Variants in KCNH7 observed in about 807,000 individuals in gnomAD.
The protein encoded by KCNH7 is voltage-gated inwardly rectifying potassium channel KCNH7.
A neutral mutation model predicts 120.8 loss-of-function variants in KCNH7; 49 were observed. That is an observed-to-expected ratio of 0.41 (90% CI 0.32 to 0.51). The LOEUF is 0.51. KCNH7 is among the 20% of genes least tolerant of loss of function. KCNH7 has a pLI of 0.38. For synonymous variants in KCNH7, 547 were observed against 516.1 expected (o/e 1.06, Z -0.81); for missense variants, 1,097 against 1,446.6 (o/e 0.76, Z 3.92).
chr2:162,492,103 C>T (rs1690330549), intron 6 of KCNH7, among the ~76,000 whole-genome samples: 1 of 152,184 alleles, frequency 6.6e-6, no homozygotes, highest in Non-Finnish European at 1.5e-5. Context: ...TTCTGGCCTC[C>T]CTCTCCCTGT....
At chr2:162,516,390 C>G (rs902304586) in intron 4 of KCNH7, among the ~76,000 whole-genome samples, 3 of 151,648 alleles carry the variant, frequency 2.0e-5, no homozygotes, top group Admixed American at 1.3e-4. Flanking sequence ...AGAGACAAAG[C>G]AGGGAAGAGT....
At chr2:162,807,350 T>A (rs305665) in intron 2 of KCNH7, among the ~76,000 whole-genome samples, 4,174 of 146,902 alleles carry the variant, frequency 0.028, 88 homozygotes, top group East Asian at 0.093. Context: ...GGTACGAGAA[T>A]CACTTGAACT....
At chr2:162,537,152 G>T (rs183980081) in intron 2 of KCNH7, 72 bp from the exon 3 acceptor site, 2 of 1,193,406 alleles carry the variant, frequency 1.7e-6, no homozygotes, top group Admixed American at 2.2e-5. Flanking sequence ...CATTAAAATT[G>T]AAATATACTC....
At chr2:162,606,104 A>C (rs578039556) in intron 2 of KCNH7, among the ~76,000 whole-genome samples, 1 of 152,124 alleles carries the variant, frequency 6.6e-6, no homozygotes, top group Non-Finnish European at 1.5e-5. Context: ...TAGATTTTAT[A>C]AGCAGTGGCT....
intron 2 of KCNH7, among the ~76,000 whole-genome samples, chr2:162,650,601 CTCTGACCT>C (rs1178492493): frequency 5.9e-5 from 9 of 152,162 alleles, no homozygotes; most frequent in Admixed American, 5.9e-4. Context: ...GCAAAGCCAT[CTCTGACCT>C]TCCTGAAAAG....
intron 2 of KCNH7, among the ~76,000 whole-genome samples, chr2:162,587,207 T>C (rs1350079569): frequency 6.6e-6 from 1 of 152,150 alleles, no homozygotes; most frequent in Non-Finnish European, 1.5e-5. Context: ...GGAAAACTTG[T>C]GTAGATTTCA....
chr2:162,617,718 A>G (rs1683200172), intron 2 of KCNH7, among the ~76,000 whole-genome samples: 1 of 152,186 alleles, frequency 6.6e-6, no homozygotes, highest in Non-Finnish European at 1.5e-5. Context: ...TTTCTAAGGG[A>G]TTAAACTGGT....
intron 12 of KCNH7, among the ~76,000 whole-genome samples, chr2:162,387,616 G>A (rs1170515478): frequency 6.6e-6 from 1 of 151,466 alleles, no homozygotes; most frequent in African/African-American, 2.4e-5. Flanking sequence ...TTCAACCACA[G>A]ATTTGCTTCT....
chr2:162,451,593 A>T (rs1034358400), intron 6 of KCNH7, among the ~76,000 whole-genome samples: 3 of 152,044 alleles, frequency 2.0e-5, no homozygotes, highest in African/African-American at 7.2e-5. Flanking sequence ...GCTTGTGTGG[A>T]GAGTCCAAGA....
At chr2:162,495,479 A>G (rs1690464687) in intron 6 of KCNH7, among the ~76,000 whole-genome samples, 1 of 152,322 alleles carries the variant, frequency 6.6e-6, no homozygotes, top group African/African-American at 2.4e-5. Context: ...ACAGAGTTCT[A>G]TTAAAGCCAA....
intron 2 of KCNH7, among the ~76,000 whole-genome samples, chr2:162,681,829 T>C (rs1285970227): frequency 6.6e-6 from 1 of 151,138 alleles, no homozygotes; most frequent in Non-Finnish European, 1.5e-5. Flanking sequence ...TTTTTTTTAC[T>C]TTAAAAGGAA....
At chr2:162,399,897 A>T (rs953382690) in intron 10 of KCNH7, among the ~76,000 whole-genome samples, 1 of 151,938 alleles carries the variant, frequency 6.6e-6, no homozygotes, top group Admixed American at 6.6e-5. Flanking sequence ...ATAAAAAAAG[A>T]ATATGCTTAC....
intron 2 of KCNH7, among the ~76,000 whole-genome samples, chr2:162,621,473 T>C (rs1485498212): frequency 6.6e-6 from 1 of 152,048 alleles, no homozygotes; most frequent in Non-Finnish European, 1.5e-5. Flanking sequence ...TTAACAGATA[T>C]TGTAATCCTA....
At chr2:162,752,947 A>AGAAAAGAAAAGAAAG in intron 2 of KCNH7, among the ~76,000 whole-genome samples, 1 of 105,260 alleles carries the variant, frequency 9.5e-6, no homozygotes, top group East Asian at 4.3e-4. Flanking sequence ...AGAAAAGAAA[A>AGAAAAGAAAAGAAAG]GAAAAGAAAA....
chr2:162,790,635 T>G (rs995104640), intron 2 of KCNH7, among the ~76,000 whole-genome samples: 3 of 152,162 alleles, frequency 2.0e-5, no homozygotes, highest in Admixed American at 1.3e-4. Context: ...TCATTCATCA[T>G]AGGAAAGTGA....
At chr2:162,374,102 T>C (rs1232377040) in intron 14 of KCNH7, among the ~76,000 whole-genome samples, 3 of 152,252 alleles carry the variant, frequency 2.0e-5, no homozygotes, top group Non-Finnish European at 2.9e-5. Flanking sequence ...ATTTCTTATG[T>C]GTTTTTACAT....
intron 2 of KCNH7, among the ~76,000 whole-genome samples, chr2:162,764,755 C>T (rs550993921): frequency 6.6e-6 from 1 of 152,116 alleles, no homozygotes; most frequent in Admixed American, 6.6e-5. Context: ...ACATAAATAT[C>T]TTTAAGCAGA....
At position 162,722,750 on chromosome 2, in the gene KCNH7, T is replaced by C. The variant is rs536401198; in HGVS notation, c.307+113787A>G. On this transcript the variant is annotated intron_variant, in intron 2 of 15. Transcript: ENST00000332142. ...CATAATATGTGTGTATATTGGCCCATTGATTGTGTCCCATAAACTCATCAT... is the reference window on the plus strand; with the variant it reads ...CATAATATGTGTGTATATTGGCCCACTGATTGTGTCCCATAAACTCATCAT... Among the ~76,000 whole-genome samples, 5 of 151,428 alleles carry C rather than the reference T, an allele frequency of 3.3e-5. No homozygotes were observed. In the South Asian group the frequency reaches 8.4e-4, roughly 25 times the overall value.
chr2:162,518,802 T>A (rs1449405200), intron 3 of KCNH7, among the ~76,000 whole-genome samples: 1 of 149,180 alleles, frequency 6.7e-6, no homozygotes, highest in Non-Finnish European at 1.5e-5. Context: ...TTCTTTTTCC[T>A]GTTTTCTGTT....
Sources: allele counts gnomAD v4.1 joint callset (sites outside exome capture counted in the v4.1 genomes callset), GRCh38; gene constraint gnomAD v4.1.1; transcripts MANE v1.5; gene names NCBI Gene and HGNC (gene_info 2026-07-23, HGNC 2026-07-21).